Variants in SCIN observed in about 807,000 individuals in gnomAD.
SCIN encodes scinderin.
A neutral mutation model predicts 91.8 loss-of-function variants in SCIN; 91 were observed. The observed-to-expected ratio is 0.99, with a 90% CI of 0.84 to 1.18. The LOEUF (loss-of-function observed/expected upper bound fraction) is 1.18. SCIN is among the 50% of genes most tolerant of loss of function. The pLI, the probability that SCIN is intolerant of heterozygous loss-of-function variation, is 0.00. For missense variants in SCIN, 1,087 were observed against 863.9 expected (o/e 1.26, Z -3.24); for synonymous variants, 367 against 312.6 (o/e 1.17, Z -1.84).
At chr7:12,573,757 C>T (rs1782314602) in intron 1 of SCIN, among the ~76,000 whole-genome samples, 1 of 152,160 alleles carries the variant, frequency 6.6e-6, no homozygotes, top group African/African-American at 2.4e-5. Context: ...CTCACTCTTT[C>T]TCTTTGCCAG....
intron 1 of SCIN, among the ~76,000 whole-genome samples, chr7:12,572,417 G>C (rs1782289484): frequency 6.6e-6 from 1 of 152,212 alleles, no homozygotes; most frequent in Admixed American, 6.5e-5. Flanking sequence ...ATGCCAGATA[G>C]AATAATGATG....
At chr7:12,595,089 C>T (rs1562604144) in intron 3 of SCIN, among the ~76,000 whole-genome samples, 1 of 151,918 alleles carries the variant, frequency 6.6e-6, no homozygotes, top group African/African-American at 2.4e-5. Context: ...CTATCCCCTT[C>T]CTGGGTTTTG....
rs1420996131 is a variant in SCIN, at chr7:12,604,652, G to C, written c.655G>C (p.Glu219Gln). 7 of 1,552,014 alleles carry C rather than the reference G, an allele frequency of 4.5e-6. No homozygotes were observed. The highest frequency in any genetic ancestry group is 6.1e-6 in the Non-Finnish European group (7 of 1,147,054). ...CGTGGAAGAAGGAAGTGAACCCTCA[G>C]AACTTATAAAGGTATTGTGACTCCT... ...IVVEEGSEPS[E>Q]LIKVLGEKPE... The change falls in exon 4 of 16, where the codon GAA becomes CAA. Residue 219 changes from glutamate to glutamine, a missense_variant. Physicochemically the swap from Glu to Gln is conservative, Grantham distance 29. Coordinates refer to ENST00000297029, the MANE Select transcript of SCIN (RefSeq NM_001112706.3).
intron 4 of SCIN, among the ~76,000 whole-genome samples, chr7:12,619,750 C>A: frequency 6.6e-6 from 1 of 152,046 alleles, no homozygotes; most frequent in Non-Finnish European, 1.5e-5. Flanking sequence ...TGACATTCAG[C>A]ATCTGAAGGG....
chr7:12,632,139 A>ATTTTAATTTTATTTTATT (rs1562626815), intron 9 of SCIN, among the ~76,000 whole-genome samples: 2,162 of 139,628 alleles, frequency 0.015, 77 homozygotes, highest in African/African-American at 0.059. Flanking sequence ...ATTTTATTTT[A>ATTTTAATTTTATTTTATT]TTTTATTTTA....
rs962236678 is a variant in SCIN, at chr7:12,572,387, C to A, written c.199+1402C>A. ...CCAGAAAAGACTGAAACTTTTATAA[C>A]CCATGTTCAAGAATGAATGATGCCA... On this transcript the variant is annotated intron_variant, in intron 1 of 15. Transcript: ENST00000297029. Among the ~76,000 whole-genome samples the A allele has an allele frequency of 5.3e-5, 8 of 152,248 alleles. No individual in the cohort carries two copies. The East Asian group carries it at 1.5e-3, about 29-fold the overall frequency.
chr7:12,636,902 C>T (rs1783763437), intron 10 of SCIN, among the ~76,000 whole-genome samples: 1 of 148,296 alleles, frequency 6.7e-6, no homozygotes, highest in African/African-American at 2.5e-5. Context: ...TATTATTAAT[C>T]AATTAAAAAA....
intron 5 of SCIN, among the ~76,000 whole-genome samples, chr7:12,623,819 G>T (rs1054820071): frequency 2.6e-5 from 4 of 152,058 alleles, no homozygotes; most frequent in African/African-American, 9.7e-5. Context: ...TGAATAAGTG[G>T]ATTTTTTTTC....
chr7:12,632,470 C>T (rs866086182), intron 9 of SCIN, among the ~76,000 whole-genome samples: 5 of 151,990 alleles, frequency 3.3e-5, no homozygotes, highest in South Asian at 2.1e-4. Context: ...TTGACATGTA[C>T]AGAATGGATT....
chr7:12,610,280 A>G (rs1783164584), intron 4 of SCIN, among the ~76,000 whole-genome samples: 2 of 152,230 alleles, frequency 1.3e-5, no homozygotes, highest in Admixed American at 6.5e-5. Flanking sequence ...TATTTACCCT[A>G]TGCTGATCTG....
chr7:12,652,938 A>C lies in SCIN; in HGVS notation c.*223A>C. On this transcript the variant is annotated 3_prime_UTR_variant, in exon 16 of 16. Transcript: ENST00000297029. The stretch of plus-strand genomic sequence containing the variant: ...GCCAACATGGCGAAACCTCGCCTCT[A>C]CTAAAAATACAAAAAAATTAGCTGC... 1 of 427,530 alleles carries C rather than the reference A, an allele frequency of 2.3e-6. No homozygotes were observed. Among genetic ancestry groups the C allele is most frequent in the South Asian group, 2.6e-5 (1 of 38,510 alleles). 26.5% of individuals were successfully genotyped at this position (427,530 alleles called of 1,614,324 possible).
intron 6 of SCIN, 115 bp downstream of exon 6, chr7:12,625,257 G>A: frequency 1.0e-6 from 1 of 961,766 alleles, no homozygotes; most frequent in Non-Finnish European, 1.5e-6. Context: ...ATTAAGACAT[G>A]ATCTATAAAT....
chr7:12,657,943 A>C lies in SCIN; in HGVS notation c.*5228A>C, dbSNP rs182450890. On this transcript the variant is annotated 3_prime_UTR_variant, in exon 16 of 16. Transcript: ENST00000297029. ...AAAAATTGATGCTTTAATTTAGTTA[A>C]CATGACAAACTCCATCTTATTTAGA... The C allele has an allele frequency of 6.6e-6, 1 of 152,220 alleles. No homozygotes were observed. Among genetic ancestry groups the C allele is most frequent in the Non-Finnish European group, 1.5e-5 (1 of 68,014 alleles). The allele number at this position is 152,220 out of a possible 1,614,324, so 9.4% of individuals were successfully genotyped here.
intron 3 of SCIN, among the ~76,000 whole-genome samples, chr7:12,596,902 G>A (rs1350110349): frequency 2.0e-5 from 3 of 151,992 alleles, no homozygotes; most frequent in Admixed American, 6.6e-5. Context: ...AATCCTATAG[G>A]CTTAGACCTT....
chr7:12,608,005 C>G (rs1038737820), intron 4 of SCIN, among the ~76,000 whole-genome samples: 2 of 152,170 alleles, frequency 1.3e-5, no homozygotes, highest in African/African-American at 4.8e-5. Context: ...AGGAACAGTA[C>G]TGTGACTTTT....
At position 12,625,133 on chromosome 7, in the gene SCIN, G is replaced by C. The variant is rs543074443; in HGVS notation, c.883G>C (p.Val295Leu). 5.0e-6 allele frequency: 8 copies of C among 1,607,954 alleles called. No individual in the cohort carries two copies. In the South Asian group the frequency reaches 8.9e-5, roughly 18 times the overall value. ...CCACGGGGCTGCCAAACAAATTTTC[G>C]TATGGAAAGGTAAAAAATTCCATTG... is the stretch of plus-strand genomic sequence containing the variant. ...LDHGAAKQIF[V>L]WKGKDANPQE... Residue 295 changes from valine (V) to leucine (L), a missense_variant, in exon 6 of 16, where the codon GTA (valine) becomes CTA (leucine). Coordinates refer to ENST00000297029, the MANE Select transcript of SCIN (RefSeq NM_001112706.3).
intron 4 of SCIN, among the ~76,000 whole-genome samples, chr7:12,620,982 A>G (rs1403457540): frequency 6.6e-6 from 1 of 152,144 alleles, no homozygotes; most frequent in Non-Finnish European, 1.5e-5. Context: ...GTTATTTCAC[A>G]TACAAAGGAT....
At chr7:12,596,148 T>C (rs1333029317) in intron 3 of SCIN, 1 of 292,918 alleles carries the variant, frequency 3.4e-6, no homozygotes, top group Non-Finnish European at 6.7e-6. Flanking sequence ...TTTCCCATGA[T>C]TCTTCCCTTA....
rs1784081878 is a variant in SCIN, at chr7:12,651,683, G to A, written c.1960-158G>A. ...CCTGATGAGTGTGAACACTGGGAAA[G>A]TGATGGTACCTCTCTGGGCCACCAC... On this transcript the variant is annotated intron_variant, in intron 14 of 15. Coordinates refer to ENST00000297029, the MANE Select transcript of SCIN (RefSeq NM_001112706.3). This position sits in a 1 kb window ranked among gnomAD's most constrained non-coding sequence, Gnocchi z 5.9. Among the ~76,000 whole-genome samples the A allele has an allele frequency of 6.6e-6, 1 of 152,166 alleles. No homozygotes were observed. The highest frequency in any genetic ancestry group is 6.5e-5 in the Admixed American group (1 of 15,282).
Sources: gnomAD v4.1 joint callset for allele counts (sites outside exome capture counted in the v4.1 genomes callset) on GRCh38, gnomAD v4.1.1 for gene constraint, Gnocchi (gnomAD v3.1) non-coding constraint, MANE v1.5 for transcripts, NCBI Gene and HGNC (gene_info 2026-07-23, HGNC 2026-07-21) for gene names.